Variants in DCC observed in about 807,000 individuals in gnomAD.
DCC encodes DCC netrin 1 receptor, also known as netrin receptor DCC.
A neutral mutation model predicts 172.5 loss-of-function variants in DCC; 58 were observed. The ratio of observed to expected loss-of-function variants is 0.34; its 90% CI spans 0.27 to 0.42. The LOEUF (loss-of-function observed/expected upper bound fraction) is 0.42. Ranked by LOEUF, DCC falls within the 10% of genes least tolerant of loss-of-function variation. The pLI is 1.00. For missense variants in DCC, 1,740 were observed against 1,791.0 expected (o/e 0.97, Z 0.51); for synonymous variants, 709 against 644.5 (o/e 1.10, Z -1.52).
intron 12 of DCC, among the ~76,000 whole-genome samples, chr18:53,271,472 CTG>C (rs1038755209): frequency 1.3e-5 from 2 of 152,176 alleles, no homozygotes; most frequent in African/African-American, 4.8e-5. Context: ...TGAATAGGAG[CTG>C]TGTTTTCATC....
chr18:52,649,280 G>A (rs1308324906), intron 1 of DCC, among the ~76,000 whole-genome samples: 1 of 151,516 alleles, frequency 6.6e-6, no homozygotes, highest in East Asian at 1.9e-4. Flanking sequence ...GGCTGAGGCA[G>A]GAGAATGGCG....
intron 2 of DCC, among the ~76,000 whole-genome samples, chr18:52,763,842 T>C (rs1422985486): frequency 6.6e-6 from 1 of 152,242 alleles, no homozygotes; most frequent in Non-Finnish European, 1.5e-5. Context: ...GGCTTGTTTT[T>C]TCACTTAATG....
intron 1 of DCC, among the ~76,000 whole-genome samples, chr18:52,653,222 T>C (rs774609387): frequency 2.5e-4 from 38 of 152,302 alleles, no homozygotes; most frequent in Non-Finnish European, 5.3e-4. Flanking sequence ...TAAAATTATA[T>C]GGGAAAACCA....
At chr18:53,053,137 C>T (rs1348153266) in intron 5 of DCC, among the ~76,000 whole-genome samples, 1 of 151,952 alleles carries the variant, frequency 6.6e-6, no homozygotes, top group Non-Finnish European at 1.5e-5. Flanking sequence ...AGCAAGACTC[C>T]ATCTCAAACA....
At chr18:52,665,801 AT>A (rs2035450900) in intron 1 of DCC, among the ~76,000 whole-genome samples, 1 of 152,128 alleles carries the variant, frequency 6.6e-6, no homozygotes, top group African/African-American at 2.4e-5. Flanking sequence ...GGGGAGAACA[AT>A]TTTTTTCTCT....
intron 1 of DCC, among the ~76,000 whole-genome samples, chr18:52,750,704 G>T (rs971386180): frequency 6.6e-6 from 1 of 152,202 alleles, no homozygotes; most frequent in Non-Finnish European, 1.5e-5. Context: ...GTAAAATGGG[G>T]TGTACAAAGA....
At chr18:53,330,049 T>G (rs916346857) in intron 14 of DCC, among the ~76,000 whole-genome samples, 1 of 152,190 alleles carries the variant, frequency 6.6e-6, no homozygotes, top group African/African-American at 2.4e-5. Context: ...TTGACAGTGG[T>G]TGATTCTGGT....
At chr18:53,397,097 C>T (rs1163177079) in intron 17 of DCC, among the ~76,000 whole-genome samples, 2 of 150,998 alleles carry the variant, frequency 1.3e-5, no homozygotes, top group Non-Finnish European at 2.9e-5. Context: ...AACCATAATA[C>T]CTAATTTTAT....
chr18:53,021,056 C>A (rs1568249619), intron 5 of DCC, among the ~76,000 whole-genome samples: 1 of 152,144 alleles, frequency 6.6e-6, no homozygotes, highest in South Asian at 2.1e-4. Flanking sequence ...CCTGACCATC[C>A]TCTCACCTTC....
chr18:52,525,184 C>T (rs2031943931), intron 1 of DCC, among the ~76,000 whole-genome samples: 1 of 151,864 alleles, frequency 6.6e-6, no homozygotes, highest in African/African-American at 2.4e-5. Flanking sequence ...TCTCTGTGGT[C>T]CTGATTTGAA....
At chr18:53,476,719 T>A (rs2145200134) in intron 25 of DCC, among the ~76,000 whole-genome samples, 1 of 152,276 alleles carries the variant, frequency 6.6e-6, no homozygotes, top group Non-Finnish European at 1.5e-5. Context: ...TTGATGGAAG[T>A]CGATTAGTGG....
intron 2 of DCC, among the ~76,000 whole-genome samples, chr18:52,899,555 A>G (rs1261101007): frequency 6.6e-6 from 1 of 151,598 alleles, no homozygotes; most frequent in Non-Finnish European, 1.5e-5. Flanking sequence ...GGGTTTCTCC[A>G]TGTTGGTCAG....
At chr18:52,831,222 C>G (rs1011884804) in intron 2 of DCC, among the ~76,000 whole-genome samples, 1 of 151,994 alleles carries the variant, frequency 6.6e-6, no homozygotes, top group African/African-American at 2.4e-5. Context: ...ATCAGTATGT[C>G]TAGAGTGAAG....
At position 53,339,805 on chromosome 18, in the gene DCC, A is replaced by G. The variant is rs759756249; in HGVS notation, c.2257A>G (p.Ile753Val). 12 of 1,613,774 alleles carry G rather than the reference A, an allele frequency of 7.4e-6. No individual in the cohort carries two copies. Among genetic ancestry groups the G allele is most frequent in the South Asian group, 1.1e-5 (1 of 91,068 alleles). The change falls in exon 15 of 29, where the codon ATC becomes GTC. Residue 753 changes from isoleucine (I) to valine (V), a missense_variant. Ile to Val is a conservative substitution (Grantham distance 29). Transcript: ENST00000442544. ...TTGGACTCCTCCCTTGAACCCAAAC[A>G]TCGTGGTGCGAGGTTATATTATCGG... is the stretch of plus-strand genomic sequence containing the variant. ...MSWTPPLNPNIVVRGYIIGYG... is the reference protein window; with the variant it reads ...MSWTPPLNPNVVVRGYIIGYG...
intron 5 of DCC, among the ~76,000 whole-genome samples, chr18:53,023,349 T>TA (rs148950349): frequency 7.9e-5 from 5 of 63,042 alleles, no homozygotes; most frequent in Admixed American, 1.5e-4. Context: ...AAAAAAAACA[T>TA]AAAAAAAATA....
chr18:52,847,928 T>G (rs1488833103), intron 2 of DCC, among the ~76,000 whole-genome samples: 1 of 152,188 alleles, frequency 6.6e-6, no homozygotes. Context: ...CCAGTTTTGG[T>G]ATTTTGAATC....
chr18:52,604,476 C>A (rs2034090317), intron 1 of DCC, among the ~76,000 whole-genome samples: 1 of 152,114 alleles, frequency 6.6e-6, no homozygotes, highest in African/African-American at 2.4e-5. Context: ...AAGCAATGAC[C>A]TTTTCCTCAT....
At chr18:52,398,015 G>C (rs1371248678) in intron 1 of DCC, among the ~76,000 whole-genome samples, 2 of 151,942 alleles carry the variant, frequency 1.3e-5, no homozygotes, top group Non-Finnish European at 2.9e-5. Context: ...GGGCTTCAAG[G>C]CCTCATCAAC....
intron 15 of DCC, among the ~76,000 whole-genome samples, chr18:53,344,440 CTTTTTTTTTTT>C (rs71175582): frequency 3.1e-5 from 3 of 97,064 alleles, no homozygotes; most frequent in African/African-American, 1.2e-4. Flanking sequence ...TTTCGTTTTT[CTTTTTTTTTTT>C]TTTTTTTTTG....
Sources: gnomAD v4.1 joint callset for allele counts (sites outside exome capture counted in the v4.1 genomes callset) on GRCh38, gnomAD v4.1.1 for gene constraint, MANE v1.5 for transcripts, NCBI Gene and HGNC (gene_info 2026-07-23, HGNC 2026-07-21) for gene names.